The following FBLN2 variants were observed in gnomAD, a reference collection of about 807,000 sequenced individuals.
The protein encoded by FBLN2 is fibulin-2.
In FBLN2, 81 loss-of-function variants were observed where a neutral mutation model predicts 123.7. The observed-to-expected ratio is 0.65, with a 90% CI of 0.55 to 0.79. The LOEUF (loss-of-function observed/expected upper bound fraction) is 0.79. Among genes scored for constraint, FBLN2 ranks in the 30% least tolerant of loss-of-function variants. FBLN2 has a pLI of 0.00. For missense variants in FBLN2, 1,603 were observed against 1,681.3 expected (o/e 0.95, Z 0.81); for synonymous variants, 699 against 701.4 (o/e 1.00, Z 0.05).
chr3:13,637,630 A>G lies in FBLN2; in HGVS notation c.3407A>G (p.Tyr1136Cys). 6.2e-7 allele frequency: 1 copy of G among 1,613,940 alleles called. No homozygotes were observed. The highest frequency in any genetic ancestry group is 8.5e-7 in the Non-Finnish European group (1 of 1,179,872). Reference sequence around the variant, plus strand: ...AACTCGCCAGCGCGCATCACGCACTACCAGCTCAACTTCCAGACGGGCCTC... The same window carrying G: ...AACTCGCCAGCGCGCATCACGCACTGCCAGCTCAACTTCCAGACGGGCCTC... ...CQNSPARITH[Y>C]QLNFQTGLLV... Residue 1136 changes from tyrosine (Y) to cysteine (C), a missense_variant, in exon 18 of 18, where the codon TAC (tyrosine) becomes TGC (cysteine). Transcript: ENST00000404922.
intron 1 of FBLN2, among the ~76,000 whole-genome samples, chr3:13,558,469 G>T (rs1331790073): frequency 6.6e-6 from 1 of 152,054 alleles, no homozygotes; most frequent in African/African-American, 2.4e-5. Flanking sequence ...AGGTGGACAC[G>T]TACCTTGGTT....
At chr3:13,576,223 A>G (rs963491772) in intron 2 of FBLN2, among the ~76,000 whole-genome samples, 1 of 152,210 alleles carries the variant, frequency 6.6e-6, no homozygotes. Flanking sequence ...GCCTTGCCCA[A>G]GGCCACAGCT....
rs1029337757 is a variant in FBLN2, at chr3:13,570,970, G to A, written c.615G>A (p.Glu205=). 5 of 1,611,028 alleles carry A rather than the reference G, an allele frequency of 3.1e-6. No homozygotes were observed. Among genetic ancestry groups the A allele is most frequent in the African/African-American group, 2.7e-5 (2 of 74,872 alleles). ...DPYSYDQEVA[E]VEAATALGGE... is the part of the protein sequence containing the mutation. Reference sequence around the variant, plus strand: ...ACAGCTATGACCAGGAGGTGGCCGAGGTGGAAGCAGCAACAGCCCTGGGGG... The same window carrying A: ...ACAGCTATGACCAGGAGGTGGCCGAAGTGGAAGCAGCAACAGCCCTGGGGG... The change falls in exon 2 of 18, where the codon GAG becomes GAA. Residue 205 remains glutamate, a synonymous_variant. Coordinates refer to ENST00000404922, the MANE Select transcript of FBLN2 (RefSeq NM_001004019.2).
intron 1 of FBLN2, among the ~76,000 whole-genome samples, chr3:13,558,915 G>C (rs1378143910): frequency 6.6e-6 from 1 of 151,974 alleles, no homozygotes; most frequent in Non-Finnish European, 1.5e-5. Flanking sequence ...AGAGTTTCAG[G>C]AGAGAGGGCA....
chr3:13,631,257 A>T, intron 15 of FBLN2, 72 bp from the exon 16 acceptor site: 3 of 1,546,288 alleles, frequency 1.9e-6, no homozygotes, highest in South Asian at 2.4e-5. Flanking sequence ...TGTGACAGGG[A>T]CAGGCTGACT....
chr3:13,621,437 C>CT (rs1705846743), intron 8 of FBLN2, among the ~76,000 whole-genome samples: 2 of 152,100 alleles, frequency 1.3e-5, no homozygotes, highest in Admixed American at 1.3e-4. Context: ...AAGTACTGGA[C>CT]TTTGCAAGCT....
intron 16 of FBLN2, among the ~76,000 whole-genome samples, chr3:13,631,942 C>T (rs1484973216): frequency 6.6e-6 from 1 of 152,102 alleles, no homozygotes; most frequent in African/African-American, 2.4e-5. Context: ...AGGGCATTCT[C>T]CTCATCAGAG....
At chr3:13,592,185 C>T (rs6788094) in intron 2 of FBLN2, among the ~76,000 whole-genome samples, 6,718 of 152,004 alleles carry the variant, frequency 0.044, 472 homozygotes, top group African/African-American at 0.15. Flanking sequence ...GCCACCACAC[C>T]CATCTAATTT....
chr3:13,569,433 G>C (rs1374332136), intron 1 of FBLN2, among the ~76,000 whole-genome samples: 2 of 152,100 alleles, frequency 1.3e-5, no homozygotes, highest in Admixed American at 1.3e-4. Context: ...AGGTGGCGGG[G>C]CTGTTCCAGT....
At chr3:13,590,829 T>A (rs1332729530) in intron 2 of FBLN2, among the ~76,000 whole-genome samples, 1 of 152,222 alleles carries the variant, frequency 6.6e-6, no homozygotes, top group Non-Finnish European at 1.5e-5. Flanking sequence ...AGTTTTAGTG[T>A]CGATGGACAT....
At chr3:13,609,684 C>CGG in intron 4 of FBLN2, 42 bp downstream of exon 4, 1 of 196,562 alleles carries the variant, frequency 5.1e-6, no homozygotes, top group Non-Finnish European at 9.5e-6. Context: ...TGGGGTGGGG[C>CGG]GGGGCGGGAG....
At chr3:13,637,234 A>G (rs1706506763) in intron 17 of FBLN2, among the ~76,000 whole-genome samples, 1 of 152,114 alleles carries the variant, frequency 6.6e-6, no homozygotes, top group Non-Finnish European at 1.5e-5. Flanking sequence ...AGGGAAGGGG[A>G]GAGGGAAAAG....
rs1703984069 is a variant in FBLN2, at chr3:13,572,159, G to GT, written c.1306+499dup. Among the ~76,000 whole-genome samples the GT allele has an allele frequency of 2.0e-5, 3 of 152,362 alleles. No homozygotes were observed. In the South Asian group the frequency reaches 6.2e-4, roughly 32 times the overall value. ...ATGTGACATCTTCCCATTTCTAAGT[G>GT]TCTGCAGCAAATCCTAATCTCACAA... is the stretch of plus-strand genomic sequence containing the variant. On this transcript the variant is annotated intron_variant, in intron 2 of 17. Transcript: ENST00000404922.
chr3:13,594,598 C>G (rs1704783867), intron 2 of FBLN2, among the ~76,000 whole-genome samples: 1 of 152,160 alleles, frequency 6.6e-6, no homozygotes, highest in Non-Finnish European at 1.5e-5. Context: ...GTTTTCCCAG[C>G]TGGGTGGTGG....
At chr3:13,579,063 A>G (rs1704237954) in intron 2 of FBLN2, among the ~76,000 whole-genome samples, 2 of 152,140 alleles carry the variant, frequency 1.3e-5, no homozygotes, top group Admixed American at 1.3e-4. Flanking sequence ...CTCAAAAAAA[A>G]GAGAACTATC....
intron 2 of FBLN2, among the ~76,000 whole-genome samples, chr3:13,594,814 C>T (rs1704788813): frequency 6.6e-6 from 1 of 152,194 alleles, no homozygotes; most frequent in Non-Finnish European, 1.5e-5. Flanking sequence ...CAGGATGGTG[C>T]ACAGCTGAGA....
intron 2 of FBLN2, among the ~76,000 whole-genome samples, chr3:13,576,490 C>T (rs746549620): frequency 7.2e-5 from 11 of 152,196 alleles, no homozygotes; most frequent in Non-Finnish European, 1.5e-4. Context: ...GGGGACAGAT[C>T]TCTAGAAACC....
At chr3:13,557,186 G>A (rs538958340) in intron 1 of FBLN2, among the ~76,000 whole-genome samples, 2 of 152,350 alleles carry the variant, frequency 1.3e-5, no homozygotes, top group South Asian at 4.1e-4. Flanking sequence ...GAGGTCATGC[G>A]TTGATGTGGC....
chr3:13,634,595 G>A (rs1421053156), intron 16 of FBLN2, among the ~76,000 whole-genome samples: 2 of 152,262 alleles, frequency 1.3e-5, no homozygotes, highest in African/African-American at 2.4e-5. Flanking sequence ...TGGAGTCCAC[G>A]AGTGAATAAT....
Sources: gnomAD v4.1 joint callset for allele counts (sites outside exome capture counted in the v4.1 genomes callset) on GRCh38, gnomAD v4.1.1 for gene constraint, MANE v1.5 for transcripts, NCBI Gene and HGNC (gene_info 2026-07-23, HGNC 2026-07-21) for gene names.